PPL: variants seen among roughly 807,000 people sequenced by gnomAD.
The protein encoded by PPL is 190 kDa paraneoplastic pemphigus antigen.
In PPL, 198 loss-of-function variants were observed where a neutral mutation model predicts 194.4. The ratio of observed to expected loss-of-function variants is 1.02; its 90% CI spans 0.91 to 1.15. The LOEUF (loss-of-function observed/expected upper bound fraction) is 1.15. Among genes scored for constraint, PPL ranks in the 50% most tolerant of loss-of-function variants. The pLI is 0.00. For missense variants in PPL, 2,885 were observed against 2,294.8 expected (o/e 1.26, Z -5.25); for synonymous variants, 1,220 against 972.4 (o/e 1.25, Z -4.74).
chr16:4,890,840 T>C lies in PPL; in HGVS notation c.2050A>G (p.Ser684Gly), dbSNP rs1461007099. The stretch of plus-strand genomic sequence containing the variant: ...TCCTGGAAGCGGCTGGCCAGTGTGC[T>C]CGAGCACTGCTTGGCCGCCTGCAAG... ...QNLQAAKQCS[S>G]TLASRFQEHC... The change falls in exon 17 of 22, where the codon AGC becomes GGC. Residue 684 changes from serine (S) to glycine (G), a missense_variant. Ser to Gly is a moderately conservative substitution (Grantham distance 56). Coordinates refer to ENST00000345988, the MANE Select transcript of PPL (RefSeq NM_002705.5). 1.3e-6 allele frequency: 2 copies of C among 1,573,932 alleles called. No individual in the cohort carries two copies. The highest frequency in any genetic ancestry group is 2.7e-5 in the African/African-American group (2 of 73,946).
At chr16:4,922,360 G>A (rs1452156328) in intron 1 of PPL, among the ~76,000 whole-genome samples, 1 of 152,152 alleles carries the variant, frequency 6.6e-6, no homozygotes, top group Non-Finnish European at 1.5e-5. Flanking sequence ...CTTTTAAGGA[G>A]CTGATAAAAG....
chr16:4,887,784 TG>T (rs985596816), intron 20 of PPL, among the ~76,000 whole-genome samples: 1 of 152,136 alleles, frequency 6.6e-6, no homozygotes, highest in Non-Finnish European at 1.5e-5. Flanking sequence ...TTTGTAGATA[TG>T]GGGTCCTGCT....
rs1555521899 is a variant in PPL, at chr16:4,908,178, A to AAAG, written c.162+2671_162+2672insCTT. Among the ~76,000 whole-genome samples, 7 of 150,496 alleles carry AAAG rather than the reference A, an allele frequency of 4.7e-5. No homozygotes were observed. The South Asian group carries it at 6.3e-4, about 14-fold the overall frequency. On this transcript the variant is annotated intron_variant, in intron 2 of 21. Coordinates refer to ENST00000345988, the MANE Select transcript of PPL (RefSeq NM_002705.5). ...GACTGTCTCCAAAAAAAAAAAAAAA[A>AAAG]AAAGAAAGAAAGAAAGAAAAAATTG...
In PPL at chr16:4,884,680, C is replaced by T. The variant is rs2088180327; in HGVS notation, c.3975G>A (p.Leu1325=). The T allele has an allele frequency of 8.7e-6, 14 of 1,614,170 alleles. No homozygotes were observed. Among genetic ancestry groups the T allele is most frequent in the Admixed American group, 1.7e-5 (1 of 60,018 alleles). ...CTTCCTGGGAAGCTCTTTCCCTCTC[C>T]AGATCCACTTGTTTCTTCTGCTCCT... The part of the protein sequence containing the change: ...LSEEQKKQVD[L]ERERASQEEQ... The change falls in exon 22 of 22, where the codon CTG becomes CTA. Residue 1325 remains leucine, a synonymous_variant. Coordinates refer to ENST00000345988, the MANE Select transcript of PPL (RefSeq NM_002705.5). The surrounding 1 kb of genome is among the most constrained non-coding windows in gnomAD (Gnocchi z 5.7).
chr16:4,894,494 T>G lies in PPL; in HGVS notation c.1367A>C (p.Asp456Ala), dbSNP rs774108698. The G allele has an allele frequency of 1.9e-6, 3 of 1,613,600 alleles. No homozygotes were observed. In the East Asian group the frequency reaches 6.7e-5, roughly 36 times the overall value. The stretch of plus-strand genomic sequence containing the variant: ...GTCAGCCAGAGCCAGGGCCTCAGGG[T>G]CTGTGGGGGGGATCACAAAACACAC... ...PAVCFVIPPTDPEALALADSL... is the reference protein window; with the variant it reads ...PAVCFVIPPTAPEALALADSL... The change falls in exon 12 of 22, where the codon GAC (aspartate) becomes GCC (alanine). Residue 456 changes from aspartate to alanine, a missense_variant. Transcript: ENST00000345988.
At chr16:4,930,689 G>C (rs571819244) in intron 1 of PPL, among the ~76,000 whole-genome samples, 13 of 152,350 alleles carry the variant, frequency 8.5e-5, no homozygotes, top group African/African-American at 3.1e-4. Context: ...TACCCCAGCA[G>C]AGAGGTTGGG....
At chr16:4,910,702 C>T (rs1406896077) in intron 2 of PPL, 148 bp downstream of exon 2, 3 of 703,102 alleles carry the variant, frequency 4.3e-6, no homozygotes, top group Non-Finnish European at 7.4e-6. Context: ...ACCTTCCTTC[C>T]AAGCAGTGAC....
chr16:4,911,453 C>T (rs1002043736), intron 1 of PPL, among the ~76,000 whole-genome samples: 6 of 151,684 alleles, frequency 4.0e-5, no homozygotes, highest in Non-Finnish European at 8.8e-5. Flanking sequence ...TGAGCCACCG[C>T]GCCCGCCCAG....
intron 1 of PPL, among the ~76,000 whole-genome samples, chr16:4,928,676 A>G (rs932262738): frequency 6.6e-6 from 1 of 152,230 alleles, no homozygotes; most frequent in Non-Finnish European, 1.5e-5. Context: ...TTGTACCACA[A>G]AGAAGAGACA....
chr16:4,894,658 C>A, intron 11 of PPL, 40 bp from the exon 12 acceptor site: 1 of 1,596,084 alleles, frequency 6.3e-7, no homozygotes, highest in Admixed American at 1.7e-5. Context: ...CCCGGCAGGG[C>A]CTGAGGGCCT....
intron 16 of PPL, 136 bp downstream of exon 16, chr16:4,891,674 GC>G: frequency 9.0e-7 from 1 of 1,106,110 alleles, no homozygotes; most frequent in East Asian, 2.5e-5. Flanking sequence ...GCCTCCATTT[GC>G]AGTTCCCAAT....
intron 4 of PPL, among the ~76,000 whole-genome samples, chr16:4,901,876 G>A (rs998855227): frequency 1.1e-4 from 17 of 152,074 alleles, no homozygotes; most frequent in African/African-American, 2.9e-4. Flanking sequence ...GGAAGTTGAC[G>A]CTGCAGTGAG....
In PPL at chr16:4,890,230, T is replaced by C. The variant is rs779699895; in HGVS notation, c.2267A>G (p.Glu756Gly). 7.4e-6 allele frequency: 12 copies of C among 1,614,164 alleles called. No homozygotes were observed. Among genetic ancestry groups the C allele is most frequent in the Non-Finnish European group, 6.8e-6 (8 of 1,180,034 alleles). ...LVSIPSYEPQETDSLSQMETK... is the reference protein window; with the variant it reads ...LVSIPSYEPQGTDSLSQMETK... ...CTCCATCTGGCTGAGGCTGTCTGTC[T>C]CCTGGGGCTCGTAACTGGGGATGCT... The change falls in exon 18 of 22, where the codon GAG (glutamate) becomes GGG (glycine). Residue 756 changes from glutamate (E) to glycine (G), a missense_variant. Physicochemically the swap from Glu to Gly is moderately conservative, Grantham distance 98 (BLOSUM62 -2). Transcript: ENST00000345988.
chr16:4,916,745 T>A (rs1165245660), intron 1 of PPL, among the ~76,000 whole-genome samples: 3 of 151,790 alleles, frequency 2.0e-5, no homozygotes, highest in African/African-American at 7.3e-5. Flanking sequence ...GCTCAAGCAA[T>A]CTATCTGCCT....
chr16:4,918,663 A>G (rs867967699), intron 1 of PPL, among the ~76,000 whole-genome samples: 7 of 152,250 alleles, frequency 4.6e-5, no homozygotes, highest in African/African-American at 1.7e-4. Flanking sequence ...TTCCACTGCC[A>G]GCAAGCAAGG....
At chr16:4,926,552 G>C (rs966281120) in intron 1 of PPL, among the ~76,000 whole-genome samples, 8 of 152,162 alleles carry the variant, frequency 5.3e-5, no homozygotes, top group Middle Eastern at 3.2e-3. Context: ...CTAGTAGGTA[G>C]GTTAAGGAAA....
chr16:4,899,253 G>T lies in PPL; in HGVS notation c.738C>A (p.Leu246=). Residue 246 remains leucine, a synonymous_variant, in exon 7 of 22, where the codon CTC becomes CTA. Coordinates refer to ENST00000345988, the MANE Select transcript of PPL (RefSeq NM_002705.5). ...ACTGGCGCCGGCGGCTGGGGTAGTC[G>T]AGGTTGCGGTCACTCCAGTCGTACT... ...RMQYDWSDRN[L]DYPSRRRQYE... 1.2e-6 allele frequency: 2 copies of T among 1,613,886 alleles called. No individual in the cohort carries two copies. The highest frequency in any genetic ancestry group is 1.7e-6 in the Non-Finnish European group (2 of 1,179,962).
At chr16:4,935,757 G>C (rs2089289523) in intron 1 of PPL, among the ~76,000 whole-genome samples, 1 of 152,190 alleles carries the variant, frequency 6.6e-6, no homozygotes, top group Admixed American at 6.5e-5. Context: ...CCGACTGGTC[G>C]GCCTAGGCCG....
chr16:4,898,975 C>T, intron 8 of PPL, 38 bp downstream of exon 8: 1 of 1,583,814 alleles, frequency 6.3e-7, no homozygotes, highest in South Asian at 1.1e-5. Flanking sequence ...AACCAGAAGC[C>T]ACCCTGGGGG....
Sources: gnomAD v4.1 joint callset for allele counts (sites outside exome capture counted in the v4.1 genomes callset) on GRCh38, gnomAD v4.1.1 for gene constraint, Gnocchi (gnomAD v3.1) non-coding constraint, MANE v1.5 for transcripts, NCBI Gene and HGNC (gene_info 2026-07-23, HGNC 2026-07-21) for gene names.